The following SLC7A2 variants were observed in gnomAD, a reference collection of about 807,000 sequenced individuals.
The protein encoded by SLC7A2 is solute carrier family 7 member 2.
SLC7A2 carries 48 observed loss-of-function variants against 58.9 expected under a neutral mutation model. The observed-to-expected ratio is 0.82, with a 90% CI of 0.65 to 1.04. The LOEUF is 1.04. Among genes scored for constraint, SLC7A2 ranks in the 50% least tolerant of loss-of-function variants. The pLI is 0.00. For missense variants in SLC7A2, 1,029 were observed against 818.8 expected (o/e 1.26, Z -3.13); for synonymous variants, 363 against 314.5 (o/e 1.15, Z -1.63).
At chr8:17,524,946 T>G (rs750902005) in intron 2 of SLC7A2, among the ~76,000 whole-genome samples, 1 of 152,052 alleles carries the variant, frequency 6.6e-6, no homozygotes, top group Admixed American at 6.6e-5. Flanking sequence ...GTGGAGAAAT[T>G]ACCAAAAATT....
chr8:17,546,402 G>T (rs995109058), intron 4 of SLC7A2, among the ~76,000 whole-genome samples: 1 of 152,050 alleles, frequency 6.6e-6, no homozygotes, highest in Non-Finnish European at 1.5e-5. Context: ...TATTCATATC[G>T]TAACACCAAA....
intron 2 of SLC7A2, among the ~76,000 whole-genome samples, chr8:17,521,346 G>A (rs987195951): frequency 4.6e-5 from 7 of 152,202 alleles, no homozygotes; most frequent in African/African-American, 4.8e-5. Flanking sequence ...CGGAATTGGT[G>A]GCAAGAGGAC....
chr8:17,508,505 C>T (rs1800466152), intron 2 of SLC7A2, among the ~76,000 whole-genome samples: 3 of 152,272 alleles, frequency 2.0e-5, no homozygotes, highest in African/African-American at 4.8e-5. Flanking sequence ...AGGCAGATCA[C>T]CTGAGATCAG....
chr8:17,526,966 T>C (rs1480113298), intron 2 of SLC7A2, among the ~76,000 whole-genome samples: 1 of 152,170 alleles, frequency 6.6e-6, no homozygotes, highest in African/African-American at 2.4e-5. Flanking sequence ...TGCATGATAA[T>C]ACCAGAGTGT....
intron 2 of SLC7A2, among the ~76,000 whole-genome samples, chr8:17,506,931 C>G (rs1322938864): frequency 6.8e-6 from 1 of 148,050 alleles, no homozygotes; most frequent in African/African-American, 2.5e-5. Context: ...CTAGAATGCA[C>G]TACTTATTTG....
At chr8:17,558,535 T>A (rs1802816153) in intron 9 of SLC7A2, 138 bp downstream of exon 9, 1 of 524,052 alleles carries the variant, frequency 1.9e-6, no homozygotes, top group Non-Finnish European at 3.4e-6. Flanking sequence ...AAAATAGCAA[T>A]GAAAAGTGGA....
chr8:17,501,302 CTG>C (rs1800151109), intron 1 of SLC7A2, among the ~76,000 whole-genome samples: 2 of 152,200 alleles, frequency 1.3e-5, no homozygotes, highest in Non-Finnish European at 2.9e-5. Context: ...GCCTGAGCCA[CTG>C]TGCTCGGCCT....
intron 2 of SLC7A2, among the ~76,000 whole-genome samples, chr8:17,510,413 C>T (rs1195780969): frequency 3.9e-5 from 6 of 152,114 alleles, no homozygotes; most frequent in East Asian, 1.9e-4. Flanking sequence ...GGCACACTGT[C>T]GTCCACAATG....
intron 2 of SLC7A2, among the ~76,000 whole-genome samples, chr8:17,513,872 A>G (rs758543543): frequency 2.0e-5 from 3 of 152,124 alleles, no homozygotes; most frequent in Non-Finnish European, 4.4e-5. Flanking sequence ...CAGAGCACAT[A>G]TTGCCAAAAA....
chr8:17,543,457 A>G lies in SLC7A2; in HGVS notation c.118A>G (p.Ile40Val). The change falls in exon 3 of 13, where the codon ATT (isoleucine) becomes GTT (valine). Residue 40 changes from isoleucine (I) to valine (V), a missense_variant. By Grantham distance (29) the Ile-to-Val change is conservative (BLOSUM62 3). Coordinates refer to ENST00000494857, the MANE Select transcript of SLC7A2 (RefSeq NM_001370338.1). ...CCGCTGCTTATCCACCATGGACCTC[A>G]TTGCCCTGGGCGTTGGAAGCACCCT... is the stretch of plus-strand genomic sequence containing the variant. The part of the protein sequence containing the change: ...LCRCLSTMDL[I>V]ALGVGSTLGA... 3.1e-6 allele frequency: 5 copies of G among 1,614,076 alleles called. No homozygotes were observed. Among genetic ancestry groups the G allele is most frequent in the Non-Finnish European group, 4.2e-6 (5 of 1,180,008 alleles).
At chr8:17,553,503 G>A (rs988378129) in intron 7 of SLC7A2, among the ~76,000 whole-genome samples, 16 of 152,328 alleles carry the variant, frequency 1.1e-4, no homozygotes, top group African/African-American at 3.1e-4. Flanking sequence ...AGGCACAGTG[G>A]TTCACTCTTG....
At position 17,543,658 on chromosome 8, in the gene SLC7A2, G is replaced by T. The variant is rs1802024755; in HGVS notation, c.319G>T (p.Val107Phe). Residue 107 changes from valine (V) to phenylalanine (F), a missense_variant, in exon 3 of 13, where the codon GTC becomes TTC. Val to Phe is a conservative substitution (Grantham distance 50). Transcript: ENST00000494857. ...GSAYLYTYVT[V>F]GELWAFITGW... ...TGCATATTTGTACACCTACGTGACT[G>T]TCGGAGAGCTGTGGGCCTTCATCAC... 6.5e-7 allele frequency: 1 copy of T among 1,541,088 alleles called. No homozygotes were observed. Among genetic ancestry groups the T allele is most frequent in the Non-Finnish European group, 8.7e-7 (1 of 1,145,550 alleles).
chr8:17,529,914 G>C (rs550836758), intron 2 of SLC7A2, among the ~76,000 whole-genome samples: 26 of 152,202 alleles, frequency 1.7e-4, no homozygotes, highest in African/African-American at 6.3e-4. Flanking sequence ...AGGCTGGTGG[G>C]TGCAGAAGTA....
intron 2 of SLC7A2, among the ~76,000 whole-genome samples, chr8:17,523,376 C>A (rs941075016): frequency 6.6e-6 from 1 of 152,074 alleles, no homozygotes; most frequent in East Asian, 1.9e-4. Flanking sequence ...ACCATAAGGC[C>A]ATAGTCACCA....
chr8:17,554,514 C>T (rs1026315574), intron 7 of SLC7A2, 46 bp from the exon 8 acceptor site: 1 of 1,482,096 alleles, frequency 6.7e-7, no homozygotes, highest in East Asian at 2.4e-5. Flanking sequence ...GGGATGTAAT[C>T]TTGCATGAAT....
chr8:17,533,942 G>A (rs915528731), intron 2 of SLC7A2, among the ~76,000 whole-genome samples: 1 of 152,058 alleles, frequency 6.6e-6, no homozygotes, highest in Non-Finnish European at 1.5e-5. Context: ...AGGCCCCAGT[G>A]TGTGTTGTTC....
intron 5 of SLC7A2, among the ~76,000 whole-genome samples, chr8:17,549,968 G>GT (rs1802367977): frequency 6.6e-6 from 1 of 152,146 alleles, no homozygotes; most frequent in Admixed American, 6.5e-5. Context: ...AGAAGAAGAG[G>GT]TTTCTGGTCT....
Position 17,508,545 on chromosome 8 carries a change from G to A in SLC7A2, c.-23+6243G>A, listed in dbSNP as rs12675916. On this transcript the variant is annotated intron_variant, in intron 2 of 12. Coordinates refer to ENST00000494857, the MANE Select transcript of SLC7A2 (RefSeq NM_001370338.1). ...TCAAGACCAGCCTGGCCAACATGGC[G>A]AAACCACATCTCTACTAAAAATACA... Among the ~76,000 whole-genome samples the A allele has an allele frequency of 5.6e-3, 847 of 152,136 alleles. 32 individuals are homozygous for A. The East Asian group carries it at 0.087, about 16-fold the overall frequency.
chr8:17,555,488 A>AT (rs977166493), intron 8 of SLC7A2, among the ~76,000 whole-genome samples: 5 of 152,174 alleles, frequency 3.3e-5, no homozygotes, highest in African/African-American at 1.2e-4. Flanking sequence ...TAATGATTCA[A>AT]TTTTTTGGTC....
Sources: gnomAD v4.1 joint callset for allele counts (sites outside exome capture counted in the v4.1 genomes callset) on GRCh38, gnomAD v4.1.1 for gene constraint, MANE v1.5 for transcripts, NCBI Gene and HGNC (gene_info 2026-07-23, HGNC 2026-07-21) for gene names.